RELCH: variants seen among roughly 807,000 people sequenced by gnomAD.
The protein encoded by RELCH is RAB11 binding and LisH domain, coiled-coil and HEAT repeat containing, also known as RAB11-binding protein RELCH.
In RELCH, 41 loss-of-function variants were observed where a neutral mutation model predicts 150.3. The ratio of observed to expected loss-of-function variants is 0.27; its 90% CI spans 0.21 to 0.35. The LOEUF (loss-of-function observed/expected upper bound fraction) is 0.35, where lower values mean the gene tolerates loss of function less well. Among genes scored for constraint, RELCH ranks in the 10% least tolerant of loss-of-function variants. RELCH has a pLI of 1.00. For missense variants in RELCH, 1,092 were observed against 1,467.8 expected, an observed-to-expected ratio of 0.74 and a Z score of 4.18; for synonymous variants, 478 against 531.8, an observed-to-expected ratio of 0.90 and a Z score of 1.39.
At chr18:62,239,354 T>C (rs1333954788) in intron 10 of RELCH, among the ~76,000 whole-genome samples, 1 of 151,244 alleles carries the variant, frequency 6.6e-6, no homozygotes, top group Non-Finnish European at 1.5e-5. Flanking sequence ...CTTATGTGAG[T>C]CTTTGTAATG....
intron 12 of RELCH, among the ~76,000 whole-genome samples, chr18:62,253,569 G>A (rs979068656): frequency 4.6e-5 from 7 of 151,860 alleles, no homozygotes; most frequent in Non-Finnish European, 1.0e-4. Flanking sequence ...CAAATTACAT[G>A]GCTTTATTTA....
rs1170501295 is a variant in RELCH, at chr18:62,227,342, AT to A, written c.914del (p.Leu305CysfsTer12). On this transcript the variant is annotated frameshift_variant, in exon 6 of 29. Coordinates refer to ENST00000644646, the MANE Select transcript of RELCH (RefSeq NM_001346231.2). LOFTEE classifies it high-confidence loss of function. ...GLNIPKPPDL[L>X]QLYRDFGNHQ... ...TAAACATTCCAAAACCTCCAGACTT[AT>A]TGCAACTCTACCGGGATTTTGGAAA... 6.2e-7 allele frequency: 1 copy of A among 1,612,246 alleles called. No individual in the cohort carries two copies. Among genetic ancestry groups the A allele is most frequent in the Admixed American group, 1.7e-5 (1 of 59,856 alleles).
intron 17 of RELCH, 54 bp downstream of exon 17, chr18:62,264,199 C>T: frequency 2.8e-6 from 4 of 1,442,850 alleles, no homozygotes; most frequent in Non-Finnish European, 3.8e-6. Flanking sequence ...TATATTTAGC[C>T]TTGGCCCTAA....
chr18:62,254,226 A>G (rs2042878235), intron 12 of RELCH, among the ~76,000 whole-genome samples: 2 of 152,226 alleles, frequency 1.3e-5, no homozygotes, highest in South Asian at 2.1e-4. Context: ...CTTTCATTCT[A>G]TGAATTTAGG....
rs1052027816 is a variant in RELCH, at chr18:62,228,492, A to G, written c.1342A>G (p.Ile448Val). The change falls in exon 8 of 29, where the codon ATT becomes GTT. Residue 448 changes from isoleucine to valine, a missense_variant. This residue lies in a region of RELCH where 707 missense variants were observed against 1,025.4 expected (regional missense o/e 0.69). Coordinates refer to ENST00000644646, the MANE Select transcript of RELCH (RefSeq NM_001346231.2). ...LSISDEADST[I>V]PKENSPNSFP... is the part of the protein sequence containing the mutation. ...AATATCAGATGAAGCTGATTCCACT[A>G]TTCCTAAAGAGAATTCCCCAAATTC... is the stretch of plus-strand genomic sequence containing the variant. 1.2e-5 allele frequency: 19 copies of G among 1,613,316 alleles called. No homozygotes were observed. The highest frequency in any genetic ancestry group is 5.5e-5 in the South Asian group (5 of 91,068).
At chr18:62,302,599 C>T (rs567126679) in intron 28 of RELCH, among the ~76,000 whole-genome samples, 8 of 152,272 alleles carry the variant, frequency 5.3e-5, no homozygotes, top group African/African-American at 1.7e-4. Flanking sequence ...CGGCTCACTG[C>T]AACCTCCGCC....
chr18:62,283,503 A>G (rs906773996), intron 25 of RELCH, among the ~76,000 whole-genome samples: 2 of 152,232 alleles, frequency 1.3e-5, no homozygotes, highest in Admixed American at 6.5e-5. Context: ...AGACTGTTAC[A>G]TATCCAGGCT....
At chr18:62,213,580 A>C (rs2040300859) in intron 2 of RELCH, among the ~76,000 whole-genome samples, 1 of 152,068 alleles carries the variant, frequency 6.6e-6, no homozygotes, top group South Asian at 2.1e-4. Context: ...AAATACAAAA[A>C]TTAGCTGGGC....
intron 14 of RELCH, 104 bp downstream of exon 14, chr18:62,258,192 G>A: frequency 9.0e-7 from 1 of 1,111,792 alleles, no homozygotes; most frequent in Non-Finnish European, 1.3e-6. Flanking sequence ...CATAAGGATG[G>A]CAGGTATGTC....
chr18:62,251,198 G>A (rs1259987649), intron 11 of RELCH, among the ~76,000 whole-genome samples: 2 of 152,206 alleles, frequency 1.3e-5, no homozygotes, highest in Non-Finnish European at 2.9e-5. Flanking sequence ...TACAGTTTCT[G>A]TGGGTCAGGA....
At chr18:62,295,546 T>C (rs1053485926) in intron 27 of RELCH, among the ~76,000 whole-genome samples, 1 of 152,104 alleles carries the variant, frequency 6.6e-6, no homozygotes, top group Non-Finnish European at 1.5e-5. Context: ...TTTAAACTTT[T>C]CTTCTTTTCT....
chr18:62,187,846 A>T lies in RELCH; in HGVS notation c.341A>T (p.His114Leu), dbSNP rs1463270940. 1 of 1,592,832 alleles carries T rather than the reference A, an allele frequency of 6.3e-7. No individual in the cohort carries two copies. Among genetic ancestry groups the T allele is most frequent in the African/African-American group, 1.3e-5 (1 of 74,704 alleles). The change falls in exon 1 of 29, where the codon CAT (histidine) becomes CTT (leucine). Residue 114 changes from histidine to leucine, a missense_variant. By Grantham distance (99) the His-to-Leu change is moderately conservative (BLOSUM62 -3). Transcript: ENST00000644646. ...TACTTGCTGACCGCCCTGGAGCTGC[A>T]TACCGAGCTGTTAGAGAGTGGCCGG... ...DQYLLTALEL[H>L]TELLESGREL...
intron 10 of RELCH, among the ~76,000 whole-genome samples, chr18:62,237,362 A>G (rs2041927861): frequency 6.6e-6 from 1 of 151,696 alleles, no homozygotes. Flanking sequence ...GAATTTCTGT[A>G]CAGTATGAAA....
In RELCH at chr18:62,198,867, G is replaced by A. The variant is rs565394142; in HGVS notation, c.526+10836G>A. ...TTTTTAATTTCTTCTCTTTTTGTAC[G>A]GTATATTTGTCAAAGTATAAAAGTG... On this transcript the variant is annotated intron_variant, in intron 1 of 28. Transcript: ENST00000644646. Among the ~76,000 whole-genome samples, 124 of 151,736 alleles carry A rather than the reference G, an allele frequency of 8.2e-4. 1 individual carries two copies. The highest frequency in any genetic ancestry group is 2.9e-3 in the African/African-American group (121 of 41,420).
At chr18:62,239,277 A>C (rs1383643339) in intron 10 of RELCH, among the ~76,000 whole-genome samples, 5 of 151,892 alleles carry the variant, frequency 3.3e-5, no homozygotes, top group Admixed American at 1.3e-4. Flanking sequence ...AATTCTAAGA[A>C]TCGGTATTTT....
intron 26 of RELCH, among the ~76,000 whole-genome samples, chr18:62,288,622 G>A (rs867285321): frequency 1.2e-4 from 18 of 152,140 alleles, no homozygotes; most frequent in African/African-American, 4.1e-4. Context: ...ATCGTGAGGA[G>A]GATATGAGCC....
At chr18:62,188,121 C>T in intron 1 of RELCH, 90 bp downstream of exon 1, 1 of 1,360,628 alleles carries the variant, frequency 7.3e-7, no homozygotes, top group Non-Finnish European at 9.7e-7. Context: ...TGCGTGGGTC[C>T]CGATAGGGAC....
chr18:62,291,744 C>T, intron 27 of RELCH, 113 bp downstream of exon 27: 1 of 665,394 alleles, frequency 1.5e-6, no homozygotes, highest in Non-Finnish European at 2.6e-6. Flanking sequence ...AAATCTAGCT[C>T]AATGTCATTT....
rs200879691 is a variant in RELCH, at chr18:62,227,375, A to G, written c.945A>G (p.Gln315=). 1.1e-5 allele frequency: 18 copies of G among 1,613,064 alleles called. No homozygotes were observed. Among genetic ancestry groups the G allele is most frequent in the Non-Finnish European group, 1.4e-5 (17 of 1,179,332 alleles). Residue 315 remains glutamine, a synonymous_variant, in exon 6 of 29, where the codon CAA becomes CAG. Coordinates refer to ENST00000644646, the MANE Select transcript of RELCH (RefSeq NM_001346231.2). ...LQLYRDFGNH[Q]VTGKDLVDVA... ...TCTACCGGGATTTTGGAAATCATCA[A>G]GTAACTGGAAAAGATCTTGTAGATG...
Sources: allele counts gnomAD v4.1 joint callset (sites outside exome capture counted in the v4.1 genomes callset), GRCh38; gene constraint gnomAD v4.1.1; regional missense constraint gnomAD v4.1.1; transcripts MANE v1.5; gene names NCBI Gene and HGNC (gene_info 2026-07-23, HGNC 2026-07-21).